Variants in ESRP1 observed in about 807,000 individuals in gnomAD.
ESRP1 encodes RNA-binding motif protein 35A.
Under a neutral mutation model 81.7 loss-of-function variants are expected in ESRP1, and 33 were observed. The ratio of observed to expected loss-of-function variants is 0.40; its 90% CI spans 0.31 to 0.54. ESRP1 has a LOEUF of 0.54. Among genes scored for constraint, ESRP1 ranks in the 20% least tolerant of loss-of-function variants. The pLI is 0.41. For missense variants in ESRP1, 672 were observed against 833.1 expected, an observed-to-expected ratio of 0.81 and a Z score of 2.38; for synonymous variants, 320 against 303.3, an observed-to-expected ratio of 1.06 and a Z score of -0.57.
intron 15 of ESRP1, 54 bp from the exon 16 acceptor site, chr8:94,705,871 C>T: frequency 7.1e-7 from 1 of 1,416,916 alleles, no homozygotes; most frequent in Non-Finnish European, 9.5e-7. Flanking sequence ...CTGAGAATGA[C>T]ATTTAGAGAC....
chr8:94,651,741 C>G (rs1458616573), intron 4 of ESRP1, among the ~76,000 whole-genome samples: 4 of 152,008 alleles, frequency 2.6e-5, no homozygotes, highest in African/African-American at 9.7e-5. Flanking sequence ...CTCAGCCTCC[C>G]AGGTAGCTGG....
intron 12 of ESRP1, among the ~76,000 whole-genome samples, chr8:94,676,646 T>G (rs1309986533): frequency 1.3e-5 from 2 of 151,438 alleles, no homozygotes; most frequent in East Asian, 4.0e-4. Context: ...ACTACAGGAG[T>G]GTGCCACCAT....
chr8:94,700,106 A>C (rs1809762219), intron 15 of ESRP1, among the ~76,000 whole-genome samples: 1 of 152,230 alleles, frequency 6.6e-6, no homozygotes, highest in South Asian at 2.1e-4. Flanking sequence ...CTAATGATCA[A>C]GCTAACAAAA....
chr8:94,641,522 G>A (rs1817586843), intron 1 of ESRP1, 72 bp downstream of exon 1: 1 of 1,590,952 alleles, frequency 6.3e-7, no homozygotes, highest in Non-Finnish European at 8.6e-7. Context: ...TGGGCGGGGA[G>A]GGGGGTGGAG....
At chr8:94,658,999 C>T (rs1236645017) in intron 4 of ESRP1, among the ~76,000 whole-genome samples, 1 of 151,998 alleles carries the variant, frequency 6.6e-6, no homozygotes, top group East Asian at 1.9e-4. Context: ...TTCGACCTCC[C>T]AGGCTCAAGC....
chr8:94,696,777 C>CCTA, intron 14 of ESRP1, 75 bp from the exon 15 acceptor site: 6 of 1,161,866 alleles, frequency 5.2e-6, no homozygotes, highest in Non-Finnish European at 7.3e-6. Flanking sequence ...GTTGGTAGAT[C>CCTA]TATTTAGCTG....
intron 14 of ESRP1, among the ~76,000 whole-genome samples, chr8:94,693,175 G>A (rs928423521): frequency 3.3e-5 from 5 of 152,290 alleles, no homozygotes; most frequent in Middle Eastern, 3.4e-3. Context: ...TCAAAGTGAA[G>A]TGTCAAATCC....
In ESRP1 at chr8:94,641,236, G is replaced by C. The variant is rs1347558162; in HGVS notation, c.-83G>C. 3 of 1,374,008 alleles carry C rather than the reference G, an allele frequency of 2.2e-6. No homozygotes were observed. The highest frequency in any genetic ancestry group is 3.0e-6 in the Non-Finnish European group (3 of 995,918). The allele number at this position is 1,374,008 out of a possible 1,614,324, so 85.1% of individuals were successfully genotyped here. A position where few individuals can be genotyped will look rare whatever the true frequency, so the allele number is the denominator to read the frequency against. On this transcript the variant is annotated 5_prime_UTR_variant, in exon 1 of 16. Coordinates refer to ENST00000433389, the MANE Select transcript of ESRP1 (RefSeq NM_017697.4). ...CTCTTTCTTTTTCTCTTAGAAGAGG[G>C]TTTAGCACAGGTTTTTTCGTTCTCA...
chr8:94,650,802 T>TC (rs56410053), intron 4 of ESRP1, among the ~76,000 whole-genome samples: 39,527 of 151,866 alleles, frequency 0.26, 6,148 homozygotes, highest in Admixed American at 0.35. Context: ...AAGCACCGCC[T>TC]CCAGGTTCAC....
At chr8:94,689,230 G>T in intron 13 of ESRP1, among the ~76,000 whole-genome samples, 1 of 122,462 alleles carries the variant, frequency 8.2e-6, no homozygotes, top group South Asian at 2.7e-4. Flanking sequence ...CAGCCTGGGT[G>T]ATAGCGAGAC....
Position 94,662,375 on chromosome 8 carries a change from G to A in ESRP1, c.589+5G>A. 1 of 1,562,684 alleles carries A rather than the reference G, an allele frequency of 6.4e-7. No homozygotes were observed. The highest frequency in any genetic ancestry group is 8.7e-7 in the Non-Finnish European group (1 of 1,149,290). On this transcript the variant is annotated splice_donor_5th_base_variant and intron_variant, in intron 5 of 15. Coordinates refer to ENST00000433389, the MANE Select transcript of ESRP1 (RefSeq NM_017697.4). ...CAATGATTTCAGAGCCTTATAGTAA[G>A]TATTGCTTTTATAGTAGTGCAGTCC... is the stretch of plus-strand genomic sequence containing the variant.
At chr8:94,650,074 C>T (rs1428482122) in intron 4 of ESRP1, among the ~76,000 whole-genome samples, 1 of 152,116 alleles carries the variant, frequency 6.6e-6, no homozygotes, top group Non-Finnish European at 1.5e-5. Context: ...CAGAGTGGTA[C>T]ATTTGTTACA....
At chr8:94,657,159 C>T (rs1459598133) in intron 4 of ESRP1, among the ~76,000 whole-genome samples, 1 of 152,202 alleles carries the variant, frequency 6.6e-6, no homozygotes, top group Admixed American at 6.5e-5. Context: ...TTTGTTCCCA[C>T]TGCCTCTGCC....
intron 4 of ESRP1, among the ~76,000 whole-genome samples, chr8:94,652,214 C>G (rs1232432695): frequency 6.6e-6 from 1 of 151,998 alleles, no homozygotes; most frequent in Non-Finnish European, 1.5e-5. Flanking sequence ...TCTGGAACTC[C>G]TGACCTCAGG....
intron 3 of ESRP1, among the ~76,000 whole-genome samples, chr8:94,644,371 G>T (rs892103534): frequency 6.6e-6 from 1 of 152,092 alleles, no homozygotes; most frequent in African/African-American, 2.4e-5. Flanking sequence ...GACAAATGAC[G>T]ACCCAGGCAA....
At chr8:94,682,307 A>G (rs943532461) in intron 13 of ESRP1, among the ~76,000 whole-genome samples, 1 of 152,194 alleles carries the variant, frequency 6.6e-6, no homozygotes, top group African/African-American at 2.4e-5. Context: ...AATGACATAC[A>G]TACCTTCTAT....
chr8:94,642,156 C>A (rs1278889687), intron 2 of ESRP1, 72 bp downstream of exon 2: 9 of 1,535,070 alleles, frequency 5.9e-6, no homozygotes, highest in East Asian at 4.6e-5. Flanking sequence ...CCTCTCAGGG[C>A]GGCCCACGCG....
intron 13 of ESRP1, 89 bp from the exon 14 acceptor site, chr8:94,692,588 A>G: frequency 7.0e-7 from 1 of 1,424,608 alleles, no homozygotes. Context: ...GCCTTGAGAA[A>G]TTCTGTTTCC....
intron 15 of ESRP1, among the ~76,000 whole-genome samples, chr8:94,699,901 A>T (rs1809751473): frequency 1.3e-5 from 1 of 74,830 alleles, no homozygotes; most frequent in Non-Finnish European, 2.4e-5. Context: ...GCATTGTTTT[A>T]TATATATTTT....
Sources: allele counts gnomAD v4.1 joint callset (sites outside exome capture counted in the v4.1 genomes callset), GRCh38; gene constraint gnomAD v4.1.1; transcripts MANE v1.5; gene names NCBI Gene and HGNC (gene_info 2026-07-23, HGNC 2026-07-21).